Variants in LRRC4C observed in about 807,000 individuals in gnomAD.
The protein encoded by LRRC4C is leucine-rich repeat-containing protein 4C.
In LRRC4C, 5 loss-of-function variants were observed where a neutral mutation model predicts 33.6. The ratio of observed to expected loss-of-function variants is 0.15; its 90% CI spans 0.08 to 0.31. The LOEUF (loss-of-function observed/expected upper bound fraction) is 0.31. Ranked by LOEUF, LRRC4C falls within the 10% of genes least tolerant of loss-of-function variation. The pLI, the probability that LRRC4C is intolerant of heterozygous loss-of-function variation, is 1.00. For missense variants in LRRC4C, 560 were observed against 796.7 expected (o/e 0.70, Z 3.58); for synonymous variants, 329 against 302.0 (o/e 1.09, Z -0.93).
intron 1 of LRRC4C, among the ~76,000 whole-genome samples, chr11:41,036,351 G>A (rs1394919637): frequency 6.6e-6 from 1 of 152,094 alleles, no homozygotes; most frequent in African/African-American, 2.4e-5. Context: ...GGTGAATAAT[G>A]ACCCAAAGGG....
chr11:40,400,940 G>A lies in LRRC4C; in HGVS notation c.-269-81219C>T, dbSNP rs746934418. On this transcript the variant is annotated intron_variant, in intron 3 of 6. Transcript: ENST00000528697. ...CCCTACCAATCTATAAATTCCATGA[G>A]GATAAGTGTAATGACTATCTTGTTT... Among the ~76,000 whole-genome samples, 48 of 151,986 alleles carry A rather than the reference G, an allele frequency of 3.2e-4. 1 individual carries two copies. Among genetic ancestry groups the A allele is most frequent in the Non-Finnish European group, 1.8e-4 (12 of 67,964 alleles).
chr11:40,425,131 A>T (rs1950663274), intron 3 of LRRC4C, among the ~76,000 whole-genome samples: 1 of 152,080 alleles, frequency 6.6e-6, no homozygotes, highest in African/African-American at 2.4e-5. Flanking sequence ...TGTGGGGAAA[A>T]AAAAAAAGAA....
chr11:40,984,360 GAAAA>G (rs748614233), intron 1 of LRRC4C, among the ~76,000 whole-genome samples: 38 of 62,042 alleles, frequency 6.1e-4, no homozygotes, highest in Middle Eastern at 8.8e-3. Context: ...GAGAAAGAAA[GAAAA>G]AAGAAAGAAA....
intron 1 of LRRC4C, among the ~76,000 whole-genome samples, chr11:41,033,697 G>T (rs1856858950): frequency 6.6e-6 from 1 of 151,900 alleles, no homozygotes; most frequent in Admixed American, 6.6e-5. Context: ...CTTATTTTTA[G>T]GGCATTTCTT....
At chr11:41,042,733 A>G (rs934080887) in intron 1 of LRRC4C, among the ~76,000 whole-genome samples, 1 of 152,150 alleles carries the variant, frequency 6.6e-6, no homozygotes, top group Non-Finnish European at 1.5e-5. Flanking sequence ...TATGTTTCAC[A>G]TCTTAATTTG....
chr11:40,934,963 G>A (rs1304644438), intron 1 of LRRC4C, among the ~76,000 whole-genome samples: 1 of 152,090 alleles, frequency 6.6e-6, no homozygotes, highest in Non-Finnish European at 1.5e-5. Flanking sequence ...TATGCAAAAA[G>A]ACTTAACACA....
chr11:41,037,798 C>T (rs1857188398), intron 1 of LRRC4C, among the ~76,000 whole-genome samples: 1 of 152,102 alleles, frequency 6.6e-6, no homozygotes, highest in Non-Finnish European at 1.5e-5. Context: ...TTAATCTTCC[C>T]TCTAATCTAT....
intron 2 of LRRC4C, among the ~76,000 whole-genome samples, chr11:40,828,199 A>G (rs571859264): frequency 5.7e-4 from 87 of 151,602 alleles, no homozygotes; most frequent in Non-Finnish European, 2.2e-4. Flanking sequence ...AATACAAAAT[A>G]TATAGCATAT....
chr11:41,126,001 T>A lies in LRRC4C; in HGVS notation c.-495-192278A>T, dbSNP rs142264920. Reference sequence around the variant, plus strand: ...AGAGAAGACTTTAAAGAAAATGCATTCAATTGAAAGTAGAAAGTAGAGAAA... The same window carrying A: ...AGAGAAGACTTTAAAGAAAATGCATACAATTGAAAGTAGAAAGTAGAGAAA... On this transcript the variant is annotated intron_variant, in intron 1 of 6. Transcript: ENST00000528697. Among the ~76,000 whole-genome samples the A allele has an allele frequency of 6.8e-4, 103 of 152,022 alleles. 1 individual carries two copies. The highest frequency in any genetic ancestry group is 2.4e-3 in the African/African-American group (100 of 41,464).
At chr11:40,673,757 C>T (rs1944247951) in intron 2 of LRRC4C, among the ~76,000 whole-genome samples, 1 of 152,164 alleles carries the variant, frequency 6.6e-6, no homozygotes, top group Non-Finnish European at 1.5e-5. Flanking sequence ...CCTCTTTCCT[C>T]CACTGAGAGG....
At chr11:40,197,859 A>G (rs1434335893) in intron 5 of LRRC4C, among the ~76,000 whole-genome samples, 4 of 152,208 alleles carry the variant, frequency 2.6e-5, no homozygotes, top group African/African-American at 9.7e-5. Flanking sequence ...TCAGCCCTAG[A>G]TCAATTCACC....
At chr11:40,712,212 G>A (rs957024989) in intron 2 of LRRC4C, among the ~76,000 whole-genome samples, 2 of 152,106 alleles carry the variant, frequency 1.3e-5, no homozygotes, top group Non-Finnish European at 1.5e-5. Flanking sequence ...TTTTGAAAAG[G>A]AATGTATCTC....
intron 3 of LRRC4C, among the ~76,000 whole-genome samples, chr11:40,607,797 T>C (rs1362404289): frequency 6.6e-6 from 1 of 152,140 alleles, no homozygotes; most frequent in African/African-American, 2.4e-5. Context: ...CACCTGCCGA[T>C]TGCTAAGCCA....
intron 3 of LRRC4C, among the ~76,000 whole-genome samples, chr11:40,412,091 G>A (rs958562381): frequency 1.3e-5 from 2 of 151,852 alleles, no homozygotes; most frequent in Admixed American, 6.6e-5. Flanking sequence ...ATTTTGCTAT[G>A]ATGGCATGTC....
At chr11:40,402,325 G>A in intron 3 of LRRC4C, among the ~76,000 whole-genome samples, 1 of 152,058 alleles carries the variant, frequency 6.6e-6, no homozygotes, top group Non-Finnish European at 1.5e-5. Flanking sequence ...TGTTTTTGTA[G>A]TGCATTTGGT....
intron 2 of LRRC4C, among the ~76,000 whole-genome samples, chr11:40,878,668 G>A (rs1019087295): frequency 6.6e-6 from 1 of 152,104 alleles, no homozygotes; most frequent in Non-Finnish European, 1.5e-5. Flanking sequence ...TTTGGCCCAG[G>A]GGTTGGGAAT....
At chr11:40,938,511 C>T (rs901129298) in intron 1 of LRRC4C, among the ~76,000 whole-genome samples, 2 of 152,046 alleles carry the variant, frequency 1.3e-5, no homozygotes, top group African/African-American at 4.8e-5. Flanking sequence ...ATGGTAAATA[C>T]ATTATGTGGC....
chr11:40,207,438 C>T (rs1863242641), intron 5 of LRRC4C, among the ~76,000 whole-genome samples: 1 of 152,012 alleles, frequency 6.6e-6, no homozygotes, highest in Non-Finnish European at 1.5e-5. Context: ...TCCATCCCTA[C>T]AAATGATTTA....
At chr11:40,750,602 A>G (rs1164048195) in intron 2 of LRRC4C, among the ~76,000 whole-genome samples, 2 of 141,864 alleles carry the variant, frequency 1.4e-5, no homozygotes, top group Non-Finnish European at 3.0e-5. Flanking sequence ...GGAATTGAAC[A>G]GTGAGAACAC....
Sources: allele counts gnomAD v4.1 joint callset (sites outside exome capture counted in the v4.1 genomes callset), GRCh38; gene constraint gnomAD v4.1.1; transcripts MANE v1.5; gene names NCBI Gene and HGNC (gene_info 2026-07-23, HGNC 2026-07-21).